Variants in TAOK3 observed in about 807,000 individuals in gnomAD.
TAOK3 encodes serine/threonine-protein kinase TAO3.
TAOK3 carries 40 observed loss-of-function variants against 120.4 expected under a neutral mutation model. That is an observed-to-expected ratio of 0.33 (90% confidence interval 0.26 to 0.43). The LOEUF (loss-of-function observed/expected upper bound fraction) is 0.43, where lower values mean the gene tolerates loss of function less well. Among genes scored for constraint, TAOK3 ranks in the 20% least tolerant of loss-of-function variants. The pLI is 1.00. For missense variants in TAOK3, 821 were observed against 1,112.1 expected (o/e 0.74, Z 3.72); for synonymous variants, 355 against 387.5 (o/e 0.92, Z 0.99).
At chr12:118,296,259 G>A (rs1170842958) in intron 1 of TAOK3, among the ~76,000 whole-genome samples, 1 of 152,130 alleles carries the variant, frequency 6.6e-6, no homozygotes, top group Non-Finnish European at 1.5e-5. Context: ...AGTCTCCTGA[G>A]TAGCTGGGAT....
chr12:118,324,421 C>T (rs1047345191), intron 1 of TAOK3, among the ~76,000 whole-genome samples: 3 of 152,002 alleles, frequency 2.0e-5, no homozygotes, highest in Non-Finnish European at 4.4e-5. Flanking sequence ...TTTAAAATAT[C>T]CAATGGTTAT....
At chr12:118,288,639 G>C (rs2042349637) in intron 1 of TAOK3, among the ~76,000 whole-genome samples, 1 of 152,204 alleles carries the variant, frequency 6.6e-6, no homozygotes, top group Non-Finnish European at 1.5e-5. Flanking sequence ...GCTTAAGCCA[G>C]GGGCGGTGGC....
chr12:118,205,952 G>A lies in TAOK3; in HGVS notation c.820-4489C>T, dbSNP rs1199409710. Among the ~76,000 whole-genome samples the A allele has an allele frequency of 1.4e-4, 21 of 145,856 alleles. No homozygotes were observed. The East Asian group carries it at 3.4e-3, about 24-fold the overall frequency. ...TCTTTTTTTTTTTTTTGCCTTACTT[G>A]AAGCACTAGGAAGTAAAGGAACTGA... is the stretch of plus-strand genomic sequence containing the variant. On this transcript the variant is annotated intron_variant, in intron 11 of 20. Coordinates refer to ENST00000392533, the MANE Select transcript of TAOK3 (RefSeq NM_016281.4).
intron 1 of TAOK3, among the ~76,000 whole-genome samples, chr12:118,268,301 T>C (rs1426598502): frequency 2.0e-5 from 3 of 152,210 alleles, no homozygotes; most frequent in Non-Finnish European, 4.4e-5. Context: ...AGTAGAATTA[T>C]TGGGTCAAAG....
At chr12:118,210,346 G>C (rs866379398) in intron 11 of TAOK3, among the ~76,000 whole-genome samples, 60 of 152,122 alleles carry the variant, frequency 3.9e-4, no homozygotes, top group Admixed American at 1.3e-4. Context: ...GAACATCTTG[G>C]CTGGCTCACA....
intron 19 of TAOK3, chr12:118,159,716 G>T: frequency 8.9e-6 from 2 of 223,584 alleles, no homozygotes; most frequent in Non-Finnish European, 1.8e-5. Flanking sequence ...GAACACTGAT[G>T]CTTAATAAAA....
chr12:118,196,050 A>T lies in TAOK3; in HGVS notation c.1194+3001T>A, dbSNP rs866762363. The stretch of plus-strand genomic sequence containing the variant: ...GGGCGACAGCACGAGACTCCATCTC[A>T]AAATAAATAAATAAATAAATAAATA... On this transcript the variant is annotated intron_variant, in intron 13 of 20. Coordinates refer to ENST00000392533, the MANE Select transcript of TAOK3 (RefSeq NM_016281.4). Among the ~76,000 whole-genome samples, 402 of 138,180 alleles carry T rather than the reference A, an allele frequency of 2.9e-3. 8 individuals carry two copies. The highest frequency in any genetic ancestry group is 7.5e-3 in the Middle Eastern group (2 of 268). The allele number at this position is 138,180 out of a possible 152,430, so 90.7% of individuals were successfully genotyped here. A position where few individuals can be genotyped will look rare whatever the true frequency, so the allele number is the denominator to read the frequency against.
chr12:118,326,523 A>C (rs1300421920), intron 1 of TAOK3, among the ~76,000 whole-genome samples: 1 of 150,894 alleles, frequency 6.6e-6, no homozygotes, highest in Non-Finnish European at 1.5e-5. Context: ...TTTATAGAAA[A>C]GAAATGACTC....
chr12:118,351,428 G>C (rs1259633640), intron 1 of TAOK3, among the ~76,000 whole-genome samples: 1 of 152,152 alleles, frequency 6.6e-6, no homozygotes, highest in African/African-American at 2.4e-5. Context: ...TGTTTACTGA[G>C]TACATAAATG....
intron 9 of TAOK3, among the ~76,000 whole-genome samples, chr12:118,216,632 G>A (rs1185503999): frequency 6.6e-6 from 1 of 152,108 alleles, no homozygotes; most frequent in African/African-American, 2.4e-5. Flanking sequence ...CGGAATAGAA[G>A]ATAAATCACT....
intron 3 of TAOK3, among the ~76,000 whole-genome samples, chr12:118,251,583 G>A (rs926829150): frequency 1.3e-5 from 2 of 152,104 alleles, no homozygotes; most frequent in Non-Finnish European, 1.5e-5. Context: ...AAATGAGATC[G>A]TGCCAGCCTT....
intron 12 of TAOK3, 50 bp from the exon 13 acceptor site, chr12:118,199,307 T>C: frequency 7.0e-7 from 1 of 1,430,888 alleles, no homozygotes; most frequent in East Asian, 2.3e-5. Flanking sequence ...AGATAAAGAG[T>C]CAATCCATTG....
intron 11 of TAOK3, among the ~76,000 whole-genome samples, chr12:118,206,541 C>G (rs1747306129): frequency 6.6e-6 from 1 of 152,136 alleles, no homozygotes. Context: ...ACCTCTAGGC[C>G]TTTGCCTTCA....
At chr12:118,180,490 C>T (rs1214902141) in intron 15 of TAOK3, among the ~76,000 whole-genome samples, 1 of 152,190 alleles carries the variant, frequency 6.6e-6, no homozygotes, top group Non-Finnish European at 1.5e-5. Context: ...ATCCACCCAC[C>T]TTGGCCTCCC....
At chr12:118,194,225 T>C (rs2037586325) in intron 13 of TAOK3, among the ~76,000 whole-genome samples, 1 of 152,150 alleles carries the variant, frequency 6.6e-6, no homozygotes, top group South Asian at 2.1e-4. Flanking sequence ...CTTTCTACGC[T>C]GTGGAGAAGG....
chr12:118,253,610 G>C (rs1190428824), intron 3 of TAOK3, among the ~76,000 whole-genome samples: 1 of 151,948 alleles, frequency 6.6e-6, no homozygotes, highest in African/African-American at 2.4e-5. Context: ...GATGGCAGGT[G>C]TCTGTAATCC....
chr12:118,348,438 A>ATTTC (rs1174216144), intron 1 of TAOK3, among the ~76,000 whole-genome samples: 2 of 151,248 alleles, frequency 1.3e-5, no homozygotes, highest in Non-Finnish European at 3.0e-5. Context: ...CTTCTGCCTT[A>ATTTC]TTTCTTTCTT....
intron 1 of TAOK3, among the ~76,000 whole-genome samples, chr12:118,333,339 G>C (rs1157322735): frequency 6.6e-6 from 1 of 152,112 alleles, no homozygotes; most frequent in East Asian, 1.9e-4. Flanking sequence ...AAGACAACAG[G>C]AAAGTCTTCA....
chr12:118,253,320 G>C (rs1224138691), intron 3 of TAOK3, among the ~76,000 whole-genome samples: 3 of 152,206 alleles, frequency 2.0e-5, no homozygotes, highest in Non-Finnish European at 2.9e-5. Context: ...GGAAGAGTCA[G>C]TAATGTTTGA....
Sources: allele counts gnomAD v4.1 joint callset (sites outside exome capture counted in the v4.1 genomes callset), GRCh38; gene constraint gnomAD v4.1.1; transcripts MANE v1.5; gene names NCBI Gene and HGNC (gene_info 2026-07-23, HGNC 2026-07-21).